PGM5: variants seen among roughly 807,000 people sequenced by gnomAD.
PGM5 encodes the protein phosphoglucomutase 5.
In PGM5, 23 loss-of-function variants were observed where a neutral mutation model predicts 59.2. That is an observed-to-expected ratio of 0.39 (90% CI 0.28 to 0.55). The LOEUF is 0.55. Among genes scored for constraint, PGM5 ranks in the 20% least tolerant of loss-of-function variants. The probability of loss-of-function intolerance (pLI) is 0.66; values close to 1 mark genes in which losing one functional copy is unlikely to be tolerated. For missense variants in PGM5, 574 were observed against 748.3 expected, an observed-to-expected ratio of 0.77 and a Z score of 2.72; for synonymous variants, 214 against 286.0, an observed-to-expected ratio of 0.75 and a Z score of 2.54.
intron 10 of PGM5, among the ~76,000 whole-genome samples, chr9:68,509,333 C>G (rs1824708003): frequency 6.6e-6 from 1 of 152,172 alleles, no homozygotes; most frequent in Non-Finnish European, 1.5e-5. Flanking sequence ...TTATACAATT[C>G]TGGTATCGTG....
intron 9 of PGM5, among the ~76,000 whole-genome samples, chr9:68,488,780 A>G (rs1377499150): frequency 2.0e-5 from 3 of 152,204 alleles, no homozygotes; most frequent in African/African-American, 7.2e-5. Context: ...TTCTATCTTC[A>G]TGAGGATATG....
intron 1 of PGM5, among the ~76,000 whole-genome samples, chr9:68,375,593 A>T (rs1554677545): frequency 6.6e-6 from 1 of 152,170 alleles, no homozygotes; most frequent in Non-Finnish European, 1.5e-5. Flanking sequence ...AATTCAACAA[A>T]TATTTATTGT....
At chr9:68,442,518 C>T (rs1288909777) in intron 6 of PGM5, among the ~76,000 whole-genome samples, 1 of 152,174 alleles carries the variant, frequency 6.6e-6, no homozygotes, top group African/African-American at 2.4e-5. Flanking sequence ...CCACCCTGGC[C>T]TCCCAAAGTG....
intron 1 of PGM5, 149 bp downstream of exon 1, chr9:68,357,537 C>G (rs2131964767): frequency 2.1e-6 from 3 of 1,444,782 alleles, no homozygotes; most frequent in Non-Finnish European, 2.7e-6. Context: ...CCCTCCAGCG[C>G]CCCACTCCCG....
chr9:68,486,344 C>T (rs1185982924), intron 9 of PGM5, among the ~76,000 whole-genome samples: 2 of 152,064 alleles, frequency 1.3e-5, no homozygotes, highest in African/African-American at 4.8e-5. Flanking sequence ...AGTATATTTA[C>T]AGAATTGTGC....
At chr9:68,477,946 C>T (rs1463957145) in intron 7 of PGM5, among the ~76,000 whole-genome samples, 1 of 152,190 alleles carries the variant, frequency 6.6e-6, no homozygotes, top group Non-Finnish European at 1.5e-5. Context: ...AACAACAATG[C>T]CGCAAAATGG....
intron 6 of PGM5, 54 bp downstream of exon 6, chr9:68,392,527 T>C: frequency 1.3e-6 from 2 of 1,594,340 alleles, no homozygotes; most frequent in Non-Finnish European, 1.7e-6. Flanking sequence ...GGCGTTGATG[T>C]CTCCTTTGTT....
chr9:68,494,371 G>A (rs781845979), intron 9 of PGM5, among the ~76,000 whole-genome samples: 1 of 152,170 alleles, frequency 6.6e-6, no homozygotes, highest in South Asian at 2.1e-4. Flanking sequence ...AGCCCAGTGA[G>A]AGCCTATGTA....
chr9:68,413,610 G>T (rs1455695486), intron 6 of PGM5, among the ~76,000 whole-genome samples: 8 of 152,210 alleles, frequency 5.3e-5, no homozygotes, highest in African/African-American at 1.4e-4. Context: ...TGCCTCTGGA[G>T]AACTCAAAGA....
intron 6 of PGM5, among the ~76,000 whole-genome samples, chr9:68,432,185 T>C (rs1554683079): frequency 1.3e-5 from 2 of 151,988 alleles, no homozygotes; most frequent in Non-Finnish European, 2.9e-5. Flanking sequence ...TGTTTTTTAT[T>C]TATTTGTTTT....
intron 6 of PGM5, among the ~76,000 whole-genome samples, chr9:68,457,218 C>T (rs913194179): frequency 3.9e-5 from 6 of 152,032 alleles, no homozygotes; most frequent in East Asian, 1.9e-4. Context: ...AATGTGATTA[C>T]GTTTATCAAT....
chr9:68,367,617 C>T (rs1311721184), intron 1 of PGM5, among the ~76,000 whole-genome samples: 1 of 151,980 alleles, frequency 6.6e-6, no homozygotes, highest in Non-Finnish European at 1.5e-5. Context: ...GTGATAGATG[C>T]TAATGTGGAA....
chr9:68,499,230 C>G lies in PGM5; in HGVS notation c.1483C>G (p.Leu495Val), dbSNP rs782584060. 1 of 1,614,148 alleles carries G rather than the reference C, an allele frequency of 6.2e-7. No homozygotes were observed. Among genetic ancestry groups the G allele is most frequent in the Non-Finnish European group, 8.5e-7 (1 of 1,180,020 alleles). Residue 495 changes from leucine to valine, a missense_variant, in exon 10 of 11, where the codon CTA becomes GTA. Coordinates refer to ENST00000396396, the MANE Select transcript of PGM5 (RefSeq NM_021965.4). ...TTCTGGATGTTCTTGGTCTCAGGGC[C>G]TAAGGATCATTTTCTCGGATGCATC... The part of the protein sequence containing the change: ...VDGTVTKKQG[L>V]RIIFSDASRL...
intron 7 of PGM5, among the ~76,000 whole-genome samples, chr9:68,474,231 C>T (rs1405430137): frequency 1.3e-5 from 2 of 152,036 alleles, no homozygotes; most frequent in Non-Finnish European, 2.9e-5. Flanking sequence ...TGAAAATTGC[C>T]AACATATGTT....
chr9:68,360,232 T>C (rs558465514), intron 1 of PGM5, among the ~76,000 whole-genome samples: 2 of 152,170 alleles, frequency 1.3e-5, no homozygotes, highest in South Asian at 4.1e-4. Flanking sequence ...CTATATTACT[T>C]ATATTTTAAT....
intron 7 of PGM5, among the ~76,000 whole-genome samples, chr9:68,468,122 A>G (rs1431068575): frequency 1.3e-5 from 2 of 150,832 alleles, no homozygotes; most frequent in Admixed American, 1.3e-4. Context: ...AGATTATTTC[A>G]TCACCCAGGA....
At chr9:68,475,441 A>G (rs532777797) in intron 7 of PGM5, among the ~76,000 whole-genome samples, 1 of 152,258 alleles carries the variant, frequency 6.6e-6, no homozygotes, top group Non-Finnish European at 1.5e-5. Flanking sequence ...CACTTCAGAG[A>G]TAATAACCAT....
At chr9:68,422,422 G>A (rs932524156) in intron 6 of PGM5, among the ~76,000 whole-genome samples, 5 of 151,908 alleles carry the variant, frequency 3.3e-5, no homozygotes, top group African/African-American at 9.7e-5. Flanking sequence ...CACTCCTTGT[G>A]TGGTGGTTTT....
At chr9:68,467,360 A>G (rs1428372513) in intron 7 of PGM5, among the ~76,000 whole-genome samples, 1 of 152,156 alleles carries the variant, frequency 6.6e-6, no homozygotes, top group Non-Finnish European at 1.5e-5. Context: ...GAGAATTTTC[A>G]GGATCTGTCT....
Sources: gnomAD v4.1 joint callset for allele counts (sites outside exome capture counted in the v4.1 genomes callset) on GRCh38, gnomAD v4.1.1 for gene constraint, MANE v1.5 for transcripts, NCBI Gene and HGNC (gene_info 2026-07-23, HGNC 2026-07-21) for gene names.